Variants in RTTN observed in about 807,000 individuals in gnomAD.
RTTN encodes rotatin.
Under a neutral mutation model 269.2 loss-of-function variants are expected in RTTN, and 182 were observed. The observed-to-expected ratio is 0.68, with a 90% confidence interval of 0.60 to 0.76. RTTN has a LOEUF of 0.76. Among genes scored for constraint, RTTN ranks in the 30% least tolerant of loss-of-function variants. The probability of loss-of-function intolerance (pLI) is 0.00; values close to 1 mark genes in which losing one functional copy is unlikely to be tolerated. For synonymous variants in RTTN, 1,006 were observed against 963.5 expected (o/e 1.04, Z -0.82); for missense variants, 2,545 against 2,608.6 (o/e 0.98, Z 0.53).
chr18:70,032,199 C>G (rs1005090622), intron 40 of RTTN, among the ~76,000 whole-genome samples: 3 of 152,202 alleles, frequency 2.0e-5, no homozygotes. Context: ...GCAGGGTGGT[C>G]TTGCCCATGA....
intron 32 of RTTN, among the ~76,000 whole-genome samples, chr18:70,082,017 G>C (rs1168032637): frequency 1.3e-5 from 2 of 152,104 alleles, no homozygotes; most frequent in Non-Finnish European, 2.9e-5. Flanking sequence ...TCTGGGTGAA[G>C]AGTACATAAA....
Position 70,118,960 on chromosome 18 carries a change from C to CT in RTTN, c.3528+2595_3528+2596insA, listed in dbSNP as rs1416731724. Among the ~76,000 whole-genome samples the CT allele has an allele frequency of 3.3e-5, 5 of 152,062 alleles. No individual in the cohort carries two copies. The East Asian group carries it at 9.6e-4, about 29-fold the overall frequency. On this transcript the variant is annotated intron_variant, in intron 26 of 48. Coordinates refer to ENST00000640769, the MANE Select transcript of RTTN (RefSeq NM_173630.4). ...CACAATAAAGGCCATATATGAAAAA[C>CT]CCACAGCTAACATCATTCTCAATGG...
intron 3 of RTTN, among the ~76,000 whole-genome samples, chr18:70,203,823 A>T (rs1310296674): frequency 6.6e-6 from 1 of 152,204 alleles, no homozygotes; most frequent in African/African-American, 2.4e-5. Context: ...TTATTGCCAA[A>T]AAAATAATCT....
At chr18:70,177,298 T>C (rs17082171) in intron 10 of RTTN, among the ~76,000 whole-genome samples, 13,814 of 152,186 alleles carry the variant, frequency 0.091, 1,391 homozygotes, top group African/African-American at 0.25. Context: ...ATCTCTGTCC[T>C]CAAATTGATA....
At chr18:70,045,111 A>C (rs901881374) in intron 40 of RTTN, among the ~76,000 whole-genome samples, 1 of 152,230 alleles carries the variant, frequency 6.6e-6, no homozygotes, top group Non-Finnish European at 1.5e-5. Flanking sequence ...GACTTAGAAA[A>C]AAACACTTAC....
At chr18:70,193,602 C>G in intron 7 of RTTN, 149 bp from the exon 8 acceptor site, 1 of 579,566 alleles carries the variant, frequency 1.7e-6, no homozygotes, top group Non-Finnish European at 2.8e-6. Context: ...AAAGATCAAA[C>G]TTTTCTATAA....
At chr18:70,145,850 A>C (rs780176164) in intron 17 of RTTN, 67 bp from the exon 18 acceptor site, 5 of 1,172,266 alleles carry the variant, frequency 4.3e-6, no homozygotes, top group Non-Finnish European at 6.0e-6. Flanking sequence ...AAGGGCTTGT[A>C]ATTACAAGTA....
chr18:70,077,756 TAA>T (rs1488392717), intron 32 of RTTN, among the ~76,000 whole-genome samples: 1 of 151,858 alleles, frequency 6.6e-6, no homozygotes, highest in Non-Finnish European at 1.5e-5. Flanking sequence ...ATCTATCAAA[TAA>T]AGTTTAGAAT....
At chr18:70,147,801 T>C (rs1316581373) in intron 17 of RTTN, among the ~76,000 whole-genome samples, 1 of 152,100 alleles carries the variant, frequency 6.6e-6, no homozygotes, top group Non-Finnish European at 1.5e-5. Context: ...ACTGAGGACC[T>C]TGGGCCCGAA....
At chr18:70,145,408 A>C (rs1432108310) in intron 18 of RTTN, among the ~76,000 whole-genome samples, 1 of 152,150 alleles carries the variant, frequency 6.6e-6, no homozygotes, top group Non-Finnish European at 1.5e-5. Flanking sequence ...ACTGGTCCCT[A>C]GTGCCAAAAA....
intron 23 of RTTN, chr18:70,130,972 A>T (rs940691014): frequency 1.3e-5 from 2 of 152,006 alleles, no homozygotes; most frequent in Non-Finnish European, 2.9e-5. Context: ...AAGCAAGCAA[A>T]GTGCTGTGGG....
In RTTN at chr18:70,135,417, T is replaced by C. The variant is rs556793679; in HGVS notation, c.2789-137A>G. ...TAAGGTGACACTAAAACACAGGCTT[T>C]CATCTCAAACTTGTGGATGTACAAG... On this transcript the variant is annotated intron_variant, in intron 21 of 48. Transcript: ENST00000640769. 7.3e-6 allele frequency: 4 copies of C among 546,330 alleles called. No homozygotes were observed. The South Asian group carries it at 9.2e-5, about 13-fold the overall frequency. 33.8% of individuals were successfully genotyped at this position (546,330 alleles called of 1,614,324 possible).
At chr18:70,058,848 G>A (rs113600306) in intron 36 of RTTN, among the ~76,000 whole-genome samples, 297 of 152,246 alleles carry the variant, frequency 2.0e-3, no homozygotes, top group African/African-American at 2.8e-3. Flanking sequence ...ACTCCATTGC[G>A]TATCATACAT....
chr18:70,013,030 G>C (rs1409853608), intron 46 of RTTN, among the ~76,000 whole-genome samples: 1 of 152,182 alleles, frequency 6.6e-6, no homozygotes, highest in Non-Finnish European at 1.5e-5. Flanking sequence ...CAGGTGCAGT[G>C]ATGTTTCGGG....
intron 14 of RTTN, among the ~76,000 whole-genome samples, chr18:70,157,466 T>C (rs1022331078): frequency 2.0e-5 from 3 of 151,922 alleles, no homozygotes; most frequent in Admixed American, 1.3e-4. Context: ...AAAGGCCCCA[T>C]CCAAAGTACA....
At chr18:70,197,373 A>G (rs765835797) in intron 6 of RTTN, among the ~76,000 whole-genome samples, 2 of 152,224 alleles carry the variant, frequency 1.3e-5, no homozygotes, top group Admixed American at 1.3e-4. Flanking sequence ...CTACTCTACC[A>G]TTTAGGTGAT....
At chr18:70,191,050 T>C (rs1464672502) in intron 8 of RTTN, among the ~76,000 whole-genome samples, 9 of 152,024 alleles carry the variant, frequency 5.9e-5, no homozygotes, top group East Asian at 3.9e-4. Context: ...AAAAATTCGC[T>C]GGGCATGGTG....
chr18:70,201,701 T>C (rs2061957100), intron 4 of RTTN, among the ~76,000 whole-genome samples, 193 bp downstream of exon 4: 1 of 151,100 alleles, frequency 6.6e-6, no homozygotes, highest in Admixed American at 6.6e-5. Context: ...TGTTCAAATA[T>C]GGTTAGAATA....
chr18:70,121,045 C>T (rs1249637504), intron 26 of RTTN, among the ~76,000 whole-genome samples: 2 of 150,308 alleles, frequency 1.3e-5, no homozygotes, highest in East Asian at 1.9e-4. Flanking sequence ...GGCGAGACGC[C>T]GTCTCAAAAA....
Sources: gnomAD v4.1 joint callset for allele counts (sites outside exome capture counted in the v4.1 genomes callset) on GRCh38, gnomAD v4.1.1 for gene constraint, MANE v1.5 for transcripts, NCBI Gene and HGNC (gene_info 2026-07-23, HGNC 2026-07-21) for gene names.